Variants in RNF169 observed in about 807,000 individuals in gnomAD.
RNF169 encodes the protein ring finger protein 169.
A neutral mutation model predicts 53.9 loss-of-function variants in RNF169; 24 were observed. The ratio of observed to expected loss-of-function variants is 0.45; its 90% CI spans 0.32 to 0.63. The LOEUF is 0.63. RNF169 is among the 20% of genes least tolerant of loss of function. The pLI, the probability that RNF169 is intolerant of heterozygous loss-of-function variation, is 0.04. For synonymous variants in RNF169, 396 were observed against 363.5 expected, an observed-to-expected ratio of 1.09 and a Z score of -1.02; for missense variants, 883 against 906.2, an observed-to-expected ratio of 0.97 and a Z score of 0.33.
Position 74,842,147 on chromosome 11 carries a change from T to C in RNF169, c.*5417T>C, listed in dbSNP as rs1431229873. ...ATTCAACCTGCTGTCTGCTTTAGGATTGGAGAAGGTACCTGGATCCTTGTG... is the reference window on the plus strand; with the variant it reads ...ATTCAACCTGCTGTCTGCTTTAGGACTGGAGAAGGTACCTGGATCCTTGTG... On this transcript the variant is annotated 3_prime_UTR_variant, in exon 6 of 6. Transcript: ENST00000299563. 6.6e-6 allele frequency: 1 copy of C among 152,220 alleles called. No homozygotes were observed. The highest frequency in any genetic ancestry group is 1.9e-4 in the East Asian group (1 of 5,198). The allele number at this position is 152,220 out of a possible 1,614,324, so 9.4% of individuals were successfully genotyped here. A position where few individuals can be genotyped will look rare whatever the true frequency, so the allele number is the denominator to read the frequency against.
At chr11:74,804,209 G>A (rs2035773276) in intron 2 of RNF169, among the ~76,000 whole-genome samples, 1 of 152,158 alleles carries the variant, frequency 6.6e-6, no homozygotes, top group South Asian at 2.1e-4. Flanking sequence ...GTGTGTGAGT[G>A]TGCCCTGTGA....
chr11:74,836,143 C>T lies in RNF169; in HGVS notation c.1540C>T (p.Gln514Ter). The T allele has an allele frequency of 6.2e-7, 1 of 1,614,150 alleles. No homozygotes were observed. Among genetic ancestry groups the T allele is most frequent in the Non-Finnish European group, 8.5e-7 (1 of 1,180,014 alleles). ...CTCTGTTAGCCAAACAAAAGCAGAACAGGACAGTGATAATAAAAGTAGCAC... is the reference window on the plus strand; with the variant it reads ...CTCTGTTAGCCAAACAAAAGCAGAATAGGACAGTGATAATAAAAGTAGCAC... ...FPSVSQTKAE[Q>*]DSDNKSSTEI... The change falls in exon 6 of 6, where the codon CAG (glutamine) becomes TAG (stop). Residue 514 changes from glutamine to a stop codon, truncating the protein, a stop_gained. Coordinates refer to ENST00000299563, the MANE Select transcript of RNF169 (RefSeq NM_001098638.2). LOFTEE classifies it high-confidence loss of function.
intron 4 of RNF169, among the ~76,000 whole-genome samples, chr11:74,826,393 GA>G (rs1212208721): frequency 6.6e-6 from 1 of 152,078 alleles, no homozygotes; most frequent in African/African-American, 2.4e-5. Context: ...CAGCATGGGG[GA>G]AACCACCCCC....
At position 74,812,461 on chromosome 11, in the gene RNF169, A is replaced by G. The variant is rs145575543; in HGVS notation, c.723+2131A>G. ...AGCTGTGTACCACCATGGCTGGTCAATTTTTATTTTACTTTTTTTATTTTG... is the reference window on the plus strand; with the variant it reads ...AGCTGTGTACCACCATGGCTGGTCAGTTTTTATTTTACTTTTTTTATTTTG... On this transcript the variant is annotated intron_variant, in intron 3 of 5. Transcript: ENST00000299563. Among the ~76,000 whole-genome samples, 107 of 151,914 alleles carry G rather than the reference A, an allele frequency of 7.0e-4. 1 individual carries two copies. Among genetic ancestry groups the G allele is most frequent in the African/African-American group, 2.4e-3 (99 of 41,420 alleles).
intron 2 of RNF169, among the ~76,000 whole-genome samples, chr11:74,803,595 G>C (rs1471350086): frequency 6.6e-6 from 1 of 152,160 alleles, no homozygotes; most frequent in Non-Finnish European, 1.5e-5. Flanking sequence ...ATTATAATCA[G>C]AATTTTCACT....
chr11:74,786,446 A>G (rs2035504899), intron 1 of RNF169, among the ~76,000 whole-genome samples: 1 of 151,706 alleles, frequency 6.6e-6, no homozygotes, highest in African/African-American at 2.4e-5. Flanking sequence ...TGTTTTTTGC[A>G]GAGATGAGGT....
intron 3 of RNF169, among the ~76,000 whole-genome samples, chr11:74,811,601 A>G (rs2035877365): frequency 6.6e-6 from 1 of 152,190 alleles, no homozygotes; most frequent in African/African-American, 2.4e-5. Context: ...TTCTTGGGAC[A>G]GTAGTGTTTG....
chr11:74,762,850 A>T (rs183086594), intron 1 of RNF169, among the ~76,000 whole-genome samples: 2 of 152,364 alleles, frequency 1.3e-5, no homozygotes, highest in Admixed American at 1.3e-4. Context: ...TAAGCCCTTG[A>T]ACCTATGCTG....
chr11:74,752,473 T>G (rs1472583269), intron 1 of RNF169, among the ~76,000 whole-genome samples: 2 of 151,800 alleles, frequency 1.3e-5, no homozygotes, highest in Non-Finnish European at 2.9e-5. Flanking sequence ...GGCACACGCC[T>G]GTAGTTCCAG....
At chr11:74,777,193 A>G (rs2035348750) in intron 1 of RNF169, among the ~76,000 whole-genome samples, 1 of 152,252 alleles carries the variant, frequency 6.6e-6, no homozygotes, top group South Asian at 2.1e-4. Flanking sequence ...AAACAGGCTT[A>G]GCAAAGATAA....
intron 1 of RNF169, among the ~76,000 whole-genome samples, chr11:74,757,268 A>G (rs1224243097): frequency 8.2e-6 from 1 of 122,322 alleles, no homozygotes; most frequent in African/African-American, 3.3e-5. Context: ...TGTTCTTGCG[A>G]TAGTTTACTG....
chr11:74,781,612 A>G (rs1198812921), intron 1 of RNF169, among the ~76,000 whole-genome samples: 1 of 152,236 alleles, frequency 6.6e-6, no homozygotes, highest in Non-Finnish European at 1.5e-5. Context: ...CTCTGGTCTT[A>G]TGAAACTTTT....
At chr11:74,812,270 T>TC (rs2035885414) in intron 3 of RNF169, among the ~76,000 whole-genome samples, 2 of 152,222 alleles carry the variant, frequency 1.3e-5, no homozygotes, top group South Asian at 4.1e-4. Context: ...TGCCTTTTTT[T>TC]CTGTTTTCTT....
At chr11:74,798,706 G>C (rs182039558) in intron 2 of RNF169, among the ~76,000 whole-genome samples, 3 of 152,208 alleles carry the variant, frequency 2.0e-5, no homozygotes, top group African/African-American at 7.2e-5. Flanking sequence ...GGTTTTTGCG[G>C]CTTGGGCATC....
rs1829163732 is a variant in RNF169, at chr11:74,838,402, G to A, written c.*1672G>A. On this transcript the variant is annotated 3_prime_UTR_variant, in exon 6 of 6. Coordinates refer to ENST00000299563, the MANE Select transcript of RNF169 (RefSeq NM_001098638.2). ...AGCCAGCAGCTATTTGAAGCCTCTG[G>A]GAAAGAAGGTGGCTTATCAAGTGGG... The A allele has an allele frequency of 6.6e-6, 1 of 152,186 alleles. No individual in the cohort carries two copies. The highest frequency in any genetic ancestry group is 6.5e-5 in the Admixed American group (1 of 15,270). 9.4% of individuals were successfully genotyped at this position (152,186 alleles called of 1,614,324 possible).
In RNF169 at chr11:74,817,654, A is replaced by G; in HGVS notation, c.782A>G (p.Gln261Arg). 3.7e-6 allele frequency: 6 copies of G among 1,614,124 alleles called. No homozygotes were observed. The highest frequency in any genetic ancestry group is 5.1e-6 in the Non-Finnish European group (6 of 1,179,950). The change falls in exon 4 of 6, where the codon CAG (glutamine) becomes CGG (arginine). Residue 261 changes from glutamine (Q) to arginine (R), a missense_variant. Transcript: ENST00000299563. ...NEEPSRGQMT[Q>R]THRSAFVSKN... ...GAACCTTCTCGAGGCCAGATGACAC[A>G]GACACATCGCTCGGCATTTGTTTCC...
chr11:74,827,155 G>A lies in RNF169; in HGVS notation c.843-7521G>A, dbSNP rs191341214. On this transcript the variant is annotated intron_variant, in intron 4 of 5. Coordinates refer to ENST00000299563, the MANE Select transcript of RNF169 (RefSeq NM_001098638.2). ...TGCATACATTCTGTGTAATCTAGGT[G>A]AAGGTTCCCAACCCTCATTTCTTCA... 1.3e-3 allele frequency among the ~76,000 whole-genome samples: 197 copies of A among 152,286 alleles called. 1 individual carries two copies. In the South Asian group the frequency reaches 0.021, roughly 16 times the overall value.
chr11:74,826,216 C>T (rs1398096945), intron 4 of RNF169, among the ~76,000 whole-genome samples: 1 of 152,172 alleles, frequency 6.6e-6, no homozygotes, highest in Non-Finnish European at 1.5e-5. Flanking sequence ...ATCCCAGCTA[C>T]TCCAGAGGCT....
At chr11:74,769,491 A>G (rs1010497226) in intron 1 of RNF169, among the ~76,000 whole-genome samples, 1 of 152,240 alleles carries the variant, frequency 6.6e-6, no homozygotes, top group African/African-American at 2.4e-5. Context: ...GGTGTGTGCC[A>G]TAGTGAAACT....
Sources: allele counts gnomAD v4.1 joint callset (sites outside exome capture counted in the v4.1 genomes callset), GRCh38; gene constraint gnomAD v4.1.1; transcripts MANE v1.5; gene names NCBI Gene and HGNC (gene_info 2026-07-23, HGNC 2026-07-21).